The following PCDHGA2 variants were observed in gnomAD, a reference collection of about 807,000 sequenced individuals.
The protein encoded by PCDHGA2 is protocadherin gamma-A2.
A neutral mutation model predicts 59.2 loss-of-function variants in PCDHGA2; 40 were observed. The ratio of observed to expected loss-of-function variants is 0.68; its 90% CI spans 0.52 to 0.88. PCDHGA2 has a LOEUF of 0.88. Among genes scored for constraint, PCDHGA2 ranks in the 40% least tolerant of loss-of-function variants. PCDHGA2 has a pLI of 0.00. For synonymous variants in PCDHGA2, 560 were observed against 526.0 expected (o/e 1.06, Z -0.89); for missense variants, 1,226 against 1,204.0 (o/e 1.02, Z -0.27).
intron 1 of PCDHGA2, chr5:141,370,191 T>C: frequency 1.9e-6 from 1 of 522,822 alleles, no homozygotes; most frequent in Non-Finnish European, 3.3e-6. Context: ...TCTTGGCTAG[T>C]GCTGTGCAAA....
At chr5:141,343,918 G>C (rs1243839283) in intron 1 of PCDHGA2, 5 of 951,068 alleles carry the variant, frequency 5.3e-6, no homozygotes, top group Non-Finnish European at 7.7e-6. Flanking sequence ...TAGTCAACCA[G>C]CTGTTTGACC....
At chr5:141,385,921 T>C (rs1283836532) in intron 1 of PCDHGA2, 1 of 152,286 alleles carries the variant, frequency 6.6e-6, no homozygotes. Context: ...CTAAGATCTA[T>C]ATCAAAGACA....
chr5:141,478,040 C>G (rs773058963), intron 1 of PCDHGA2: 1 of 1,614,160 alleles, frequency 6.2e-7, no homozygotes, highest in Non-Finnish European at 8.5e-7. Context: ...TTCACCCAGG[C>G]AGACTCTCAC....
chr5:141,383,036 G>A, intron 1 of PCDHGA2: 1 of 1,613,876 alleles, frequency 6.2e-7, no homozygotes, highest in Non-Finnish European at 8.5e-7. Flanking sequence ...TCCTTTGTGG[G>A]AGACATCGCC....
intron 1 of PCDHGA2, among the ~76,000 whole-genome samples, chr5:141,386,359 C>A (rs566341507): frequency 6.6e-6 from 1 of 152,014 alleles, no homozygotes; most frequent in African/African-American, 2.4e-5. Flanking sequence ...AATCTTGATT[C>A]CAGAGACCTT....
intron 1 of PCDHGA2, chr5:141,385,450 CA>C (rs1781205135): frequency 4.1e-6 from 6 of 1,446,726 alleles, no homozygotes; most frequent in Admixed American, 5.7e-5. Context: ...ATGAGTTTAC[CA>C]GTTTCCTTCA....
Position 141,485,261 on chromosome 5 carries a change from C to G in PCDHGA2, c.2425-9546C>G, listed in dbSNP as rs759268725. 1 of 1,614,076 alleles carries G rather than the reference C, an allele frequency of 6.2e-7. No homozygotes were observed. The highest frequency in any genetic ancestry group is 8.5e-7 in the Non-Finnish European group (1 of 1,179,904). On this transcript the variant is annotated intron_variant, in intron 1 of 3. Transcript: ENST00000394576. This position sits in a 1 kb window ranked among gnomAD's most constrained non-coding sequence, Gnocchi z 5.7. The stretch of plus-strand genomic sequence containing the variant: ...TTACCACCTGGGTTACGTTTGTGGG[C>G]AGATCCGCTACCCGGTCCCAGAGGA...
rs925541311 is a variant in PCDHGA2 at position 141,431,452 on chromosome 5, G to C, written c.2425-63355G>C. 11 of 1,613,630 alleles carry C rather than the reference G, an allele frequency of 6.8e-6. No individual in the cohort carries two copies. The highest frequency in any genetic ancestry group is 9.3e-6 in the Non-Finnish European group (11 of 1,179,982). On this transcript the variant is annotated intron_variant, in intron 1 of 3. Transcript: ENST00000394576. The surrounding 1 kb of genome is among the most constrained non-coding windows in gnomAD (Gnocchi z 4.8). ...CAGGCACCGCGCGCATCCGCGTGAT[G>C]GTTCTGGATGCGAACGACAACGCAC...
intron 1 of PCDHGA2, chr5:141,428,308 G>A (rs2097132099): frequency 1.5e-6 from 1 of 685,734 alleles, no homozygotes; most frequent in Non-Finnish European, 2.6e-6. Context: ...TTACCTGGTC[G>A]TGGCCTTGGC....
chr5:141,510,894 A>G, intron 3 of PCDHGA2, 53 bp from the exon 4 acceptor site: 2 of 1,612,850 alleles, frequency 1.2e-6, no homozygotes, highest in Non-Finnish European at 8.5e-7. Flanking sequence ...TAAGACAGTG[A>G]CTGTTGAGGA....
At chr5:141,366,514 A>G (rs766799381) in intron 1 of PCDHGA2, 8 of 1,614,142 alleles carry the variant, frequency 5.0e-6, no homozygotes, top group Non-Finnish European at 6.8e-6. Context: ...TTCAGGCTGA[A>G]GGCAGCAGGT....
intron 1 of PCDHGA2, chr5:141,366,483 G>A: frequency 6.2e-7 from 1 of 1,614,236 alleles, no homozygotes; most frequent in South Asian, 1.1e-5. Context: ...AGACTGAGGC[G>A]CTGGCACAAG....
intron 1 of PCDHGA2, chr5:141,399,892 G>T: frequency 1.2e-6 from 2 of 1,612,554 alleles, no homozygotes; most frequent in Non-Finnish European, 1.7e-6. Flanking sequence ...CAAGGTAGTG[G>T]CCGTGGACGC....
At chr5:141,481,327 T>C (rs2099535776) in intron 1 of PCDHGA2, among the ~76,000 whole-genome samples, 1 of 152,244 alleles carries the variant, frequency 6.6e-6, no homozygotes, top group Non-Finnish European at 1.5e-5. Context: ...CACTAGCCCC[T>C]GGACAACTAT....
chr5:141,465,030 C>T (rs922114985), intron 1 of PCDHGA2, among the ~76,000 whole-genome samples: 2 of 152,086 alleles, frequency 1.3e-5, no homozygotes, highest in Non-Finnish European at 1.5e-5. Context: ...CCATGAACCA[C>T]CACAAATGAC....
chr5:141,383,312 T>C (rs1271523069), intron 1 of PCDHGA2: 1 of 1,613,832 alleles, frequency 6.2e-7, no homozygotes, highest in Admixed American at 1.7e-5. Flanking sequence ...ACGGAAGAAA[T>C]AAATGTAAAA....
At position 141,339,256 on chromosome 5, in the gene PCDHGA2, C is replaced by T. The variant is rs1756821042; in HGVS notation, c.285C>T (p.Leu95=). The T allele has an allele frequency of 1.2e-6, 2 of 1,614,134 alleles. No individual in the cohort carries two copies. Among genetic ancestry groups the T allele is most frequent in the Non-Finnish European group, 8.5e-7 (1 of 1,180,030 alleles). ...CGAACAGGATAGACCGGGAGGAGCT[C>T]TGCGCTCAGAGCGCACCCTGTCTGT... ...VTANRIDREE[L]CAQSAPCLLN... is the part of the protein sequence containing the mutation. Residue 95 remains leucine, a synonymous_variant, in exon 1 of 4, where the codon CTC becomes CTT. Transcript: ENST00000394576.
intron 1 of PCDHGA2, chr5:141,375,967 G>A (rs200712802): frequency 2.6e-5 from 42 of 1,613,250 alleles, no homozygotes; most frequent in Non-Finnish European, 3.5e-5. Flanking sequence ...AGGTGCGCAC[G>A]GCGCGCGCCC....
chr5:141,403,247 A>T, intron 1 of PCDHGA2: 1 of 1,613,910 alleles, frequency 6.2e-7, no homozygotes, highest in Middle Eastern at 1.6e-4. Flanking sequence ...CTGTGCTCAG[A>T]GCCCGCGGTG....
Sources: gnomAD v4.1 joint callset for allele counts (sites outside exome capture counted in the v4.1 genomes callset) on GRCh38, gnomAD v4.1.1 for gene constraint, Gnocchi (gnomAD v3.1) non-coding constraint, MANE v1.5 for transcripts, NCBI Gene and HGNC (gene_info 2026-07-23, HGNC 2026-07-21) for gene names.